Variants in RGS7 observed in about 807,000 individuals in gnomAD.
RGS7 encodes regulator of G-protein signaling 7.
In RGS7, 27 loss-of-function variants were observed where a neutral mutation model predicts 81.1. The observed-to-expected ratio is 0.33, with a 90% CI of 0.25 to 0.46. The LOEUF is 0.46. Ranked by LOEUF, RGS7 falls within the 20% of genes least tolerant of loss-of-function variation. RGS7 has a pLI of 1.00. For missense variants in RGS7, 396 were observed against 607.4 expected, an observed-to-expected ratio of 0.65 and a Z score of 3.66; for synonymous variants, 208 against 207.7, an observed-to-expected ratio of 1.00 and a Z score of -0.01.
At chr1:241,013,849 CG>C (rs1211967009) in intron 3 of RGS7, among the ~76,000 whole-genome samples, 1 of 152,192 alleles carries the variant, frequency 6.6e-6, no homozygotes, top group Non-Finnish European at 1.5e-5. Context: ...ATATCATGTT[CG>C]TAAAAGACAT....
intron 2 of RGS7, among the ~76,000 whole-genome samples, chr1:241,309,496 G>C (rs1278786394): frequency 6.6e-6 from 1 of 152,088 alleles, no homozygotes; most frequent in Non-Finnish European, 1.5e-5. Flanking sequence ...ATTGTAGGCT[G>C]CTGTAAAGAA....
rs1398670278 is a variant in RGS7 at position 241,144,034 on chromosome 1, A to G, written c.79-45272T>C. On this transcript the variant is annotated intron_variant, in intron 2 of 18. Coordinates refer to ENST00000440928, the MANE Select transcript of RGS7 (RefSeq NM_001364886.1). The surrounding 1 kb of genome is among the most constrained non-coding windows in gnomAD (Gnocchi z 4.7). ...TCTGAGAAATACATTTCTATTGTGT[A>G]TAAGCCACTCAGCCCATGATATTTT... 6.6e-6 allele frequency among the ~76,000 whole-genome samples: 1 copy of G among 152,164 alleles called. No individual in the cohort carries two copies. Among genetic ancestry groups the G allele is most frequent in the African/African-American group, 2.4e-5 (1 of 41,440 alleles).
chr1:241,085,930 C>A (rs1156406268), intron 3 of RGS7, among the ~76,000 whole-genome samples: 1 of 152,144 alleles, frequency 6.6e-6, no homozygotes, highest in African/African-American at 2.4e-5. Flanking sequence ...CTTTATGGTT[C>A]CCCAGAACAT....
chr1:241,255,203 G>C (rs1032009648), intron 2 of RGS7, among the ~76,000 whole-genome samples: 1 of 152,064 alleles, frequency 6.6e-6, no homozygotes, highest in Admixed American at 6.6e-5. Flanking sequence ...GCAGACTATC[G>C]CCAGTTCTGA....
intron 2 of RGS7, among the ~76,000 whole-genome samples, chr1:241,242,306 G>GTAAGA (rs1553297086): frequency 1.2e-4 from 17 of 147,560 alleles, no homozygotes; most frequent in African/African-American, 3.8e-4. Flanking sequence ...CTATGGATGA[G>GTAAGA]TAGATAGATA....
At chr1:241,085,213 TATGGTAGA>T (rs1456011125) in intron 3 of RGS7, among the ~76,000 whole-genome samples, 1 of 152,176 alleles carries the variant, frequency 6.6e-6, no homozygotes, top group African/African-American at 2.4e-5. Flanking sequence ...CATTTTTCTC[TATGGTAGA>T]ATGGTAGAAT....
At chr1:240,915,546 A>T (rs1290631435) in intron 6 of RGS7, among the ~76,000 whole-genome samples, 1 of 152,192 alleles carries the variant, frequency 6.6e-6, no homozygotes, top group African/African-American at 2.4e-5. Context: ...AAACAAGGAC[A>T]TCAGAGGAGA....
At chr1:240,818,060 A>G (rs752097691) in intron 10 of RGS7, among the ~76,000 whole-genome samples, 1 of 152,122 alleles carries the variant, frequency 6.6e-6, no homozygotes, top group African/African-American at 2.4e-5. Context: ...ATCACTGAGG[A>G]TATCCATTTC....
chr1:241,005,604 C>T (rs1165142246), intron 3 of RGS7, among the ~76,000 whole-genome samples: 2 of 151,486 alleles, frequency 1.3e-5, no homozygotes, highest in Admixed American at 6.6e-5. Context: ...GGTGTGATCT[C>T]GGCTCGCTGC....
At chr1:241,333,044 A>C (rs1252505086) in intron 2 of RGS7, among the ~76,000 whole-genome samples, 1 of 152,194 alleles carries the variant, frequency 6.6e-6, no homozygotes, top group Non-Finnish European at 1.5e-5. Context: ...GAAAGGGATA[A>C]CAAATACAAG....
At chr1:240,843,161 A>G (rs1016641712) in intron 9 of RGS7, among the ~76,000 whole-genome samples, 4 of 152,000 alleles carry the variant, frequency 2.6e-5, no homozygotes, top group African/African-American at 9.7e-5. Context: ...GCGAAACTCT[A>G]TCTCAAAAAA....
intron 11 of RGS7, among the ~76,000 whole-genome samples, chr1:240,815,067 G>T (rs1015910211): frequency 3.3e-5 from 5 of 152,184 alleles, no homozygotes; most frequent in African/African-American, 1.2e-4. Flanking sequence ...GCTGGGTGCA[G>T]TGGCTCATGC....
intron 2 of RGS7, among the ~76,000 whole-genome samples, chr1:241,270,835 T>G (rs2077849996): frequency 6.6e-6 from 1 of 150,824 alleles, no homozygotes; most frequent in Middle Eastern, 3.2e-3. Context: ...CTTGGTTCAC[T>G]GCAAGTTCCG....
chr1:241,321,956 A>T (rs2081238636), intron 2 of RGS7, among the ~76,000 whole-genome samples: 1 of 152,102 alleles, frequency 6.6e-6, no homozygotes, highest in Non-Finnish European at 1.5e-5. Flanking sequence ...TCTACGCTCC[A>T]TCCCCAAGAG....
At chr1:240,803,117 T>A in intron 15 of RGS7, 124 bp from the exon 16 acceptor site, 1 of 706,918 alleles carries the variant, frequency 1.4e-6, no homozygotes, top group Admixed American at 2.1e-5. Flanking sequence ...ACAATGCTGA[T>A]TAGAATACCT....
intron 1 of RGS7, among the ~76,000 whole-genome samples, chr1:241,356,249 A>G (rs1377593934): frequency 6.6e-6 from 1 of 152,034 alleles, no homozygotes; most frequent in East Asian, 1.9e-4. Flanking sequence ...GCGGGTTAGC[A>G]CACTTTCTCC....
In RGS7 at chr1:241,089,812, C is replaced by T. The variant is rs559038520; in HGVS notation, c.175+8854G>A. ...CGAGGTCAGGAGATCGAGACCATCCCGGCTAACACGGTGAAACCCCGTCTC... is the reference window on the plus strand; with the variant it reads ...CGAGGTCAGGAGATCGAGACCATCCTGGCTAACACGGTGAAACCCCGTCTC... On this transcript the variant is annotated intron_variant, in intron 3 of 18. Transcript: ENST00000440928. Among the ~76,000 whole-genome samples the T allele has an allele frequency of 2.2e-4, 33 of 151,490 alleles. 1 individual carries two copies. The highest frequency in any genetic ancestry group is 2.9e-4 in the Non-Finnish European group (20 of 67,886).
chr1:241,267,336 G>A (rs115213775), intron 2 of RGS7, among the ~76,000 whole-genome samples: 2,192 of 152,280 alleles, frequency 0.014, 10 homozygotes, highest in Middle Eastern at 0.051. Context: ...TCAGGACTCC[G>A]AAGGGACTAC....
At chr1:240,850,817 T>C (rs144341816) in intron 9 of RGS7, among the ~76,000 whole-genome samples, 279 of 152,302 alleles carry the variant, frequency 1.8e-3, no homozygotes, top group Middle Eastern at 6.8e-3. Context: ...GTGGTCTACA[T>C]AGAAGACCAA....
Sources: gnomAD v4.1 joint callset for allele counts (sites outside exome capture counted in the v4.1 genomes callset) on GRCh38, gnomAD v4.1.1 for gene constraint, Gnocchi (gnomAD v3.1) non-coding constraint, MANE v1.5 for transcripts, NCBI Gene and HGNC (gene_info 2026-07-23, HGNC 2026-07-21) for gene names.